Variants in RERE observed in about 807,000 individuals in gnomAD.
The protein encoded by RERE is arginine-glutamic acid dipeptide repeats, also known as arginine-glutamic acid dipeptide repeats protein.
In RERE, 40 loss-of-function variants were observed where a neutral mutation model predicts 146.1. The ratio of observed to expected loss-of-function variants is 0.27; its 90% confidence interval spans 0.21 to 0.36. RERE has a LOEUF of 0.36. Ranked by LOEUF, RERE falls within the 10% of genes least tolerant of loss-of-function variation. The probability of loss-of-function intolerance (pLI) is 1.00; values close to 1 mark genes in which losing one functional copy is unlikely to be tolerated. For missense variants in RERE, 1,933 were observed against 2,138.7 expected (o/e 0.90, Z 1.90); for synonymous variants, 1,003 against 866.0 (o/e 1.16, Z -2.78).
At chr1:8,393,036 A>G (rs1260320145) in intron 12 of RERE, among the ~76,000 whole-genome samples, 1 of 152,224 alleles carries the variant, frequency 6.6e-6, no homozygotes, top group African/African-American at 2.4e-5. Flanking sequence ...TCCTGAAAGT[A>G]GGAGAAGGAG....
intron 4 of RERE, among the ~76,000 whole-genome samples, chr1:8,559,280 C>CAAAAAAAAAAAAAAAAAAAAAAA (rs548075266): frequency 2.7e-3 from 33 of 12,060 alleles, no homozygotes; most frequent in East Asian, 7.1e-3. Context: ...AACTCCAGCT[C>CAAAAAAAAAAAAAAAAAAAAAAA]AAAAAAAAAA....
intron 1 of RERE, chr1:8,799,309 T>C (rs1641541570): frequency 1.3e-5 from 2 of 152,434 alleles, no homozygotes; most frequent in Non-Finnish European, 1.5e-5. Flanking sequence ...TCAAGTCTTT[T>C]GTGAAAGTTT....
chr1:8,669,523 T>C (rs1638665676), intron 1 of RERE, among the ~76,000 whole-genome samples: 1 of 152,214 alleles, frequency 6.6e-6, no homozygotes, highest in African/African-American at 2.4e-5. Flanking sequence ...AAGCTCAGGC[T>C]TCACTACAGC....
intron 11 of RERE, among the ~76,000 whole-genome samples, chr1:8,454,572 C>T (rs184896121): frequency 6.6e-5 from 10 of 151,776 alleles, no homozygotes; most frequent in Non-Finnish European, 1.0e-4. Flanking sequence ...TTTGGGAGGC[C>T]GAGGCAGGTG....
chr1:8,676,983 T>C (rs758026041), intron 1 of RERE, among the ~76,000 whole-genome samples: 129 of 152,266 alleles, frequency 8.5e-4, no homozygotes, highest in Non-Finnish European at 1.6e-3. Context: ...CAGTCCTCCC[T>C]AAACAGCCTC....
In RERE at chr1:8,541,258, T is replaced by A. The variant is rs369029227; in HGVS notation, c.786A>T (p.Arg262=). 3 of 1,611,852 alleles carry A rather than the reference T, an allele frequency of 1.9e-6. No individual in the cohort carries two copies. In the African/African-American group the frequency reaches 4.0e-5, roughly 22 times the overall value. ...DIFAAREFKA[R]VDSFFYILGY... ...CTAATATGTAGAAAAATGAATCCAC[T>A]CGGGCTTTAAACTCTCTAGCAGCAA... The change falls in exon 7 of 23, where the codon CGA becomes CGT. Residue 262 remains arginine, a synonymous_variant. Coordinates refer to ENST00000400908, the MANE Select transcript of RERE (RefSeq NM_001042681.2).
At chr1:8,518,570 C>G (rs1570380379) in intron 7 of RERE, among the ~76,000 whole-genome samples, 1 of 152,132 alleles carries the variant, frequency 6.6e-6, no homozygotes, top group Non-Finnish European at 1.5e-5. Flanking sequence ...GGGTCCAGAA[C>G]AAAATACACT....
At chr1:8,603,549 G>A (rs186339713) in intron 4 of RERE, among the ~76,000 whole-genome samples, 1 of 152,184 alleles carries the variant, frequency 6.6e-6, no homozygotes, top group Admixed American at 6.5e-5. Flanking sequence ...GAACTTTATT[G>A]GTTTTGTAGT....
chr1:8,395,984 G>A (rs552993178), intron 12 of RERE, among the ~76,000 whole-genome samples: 1 of 152,262 alleles, frequency 6.6e-6, no homozygotes, highest in African/African-American at 2.4e-5. Flanking sequence ...CCCTCTCTCT[G>A]TGCTTAAAGG....
intron 1 of RERE, among the ~76,000 whole-genome samples, chr1:8,712,130 T>C (rs779461504): frequency 6.6e-6 from 1 of 152,242 alleles, no homozygotes; most frequent in South Asian, 2.1e-4. Context: ...AAACATTATA[T>C]AATACATTGG....
At chr1:8,438,300 C>T (rs751152515) in intron 11 of RERE, among the ~76,000 whole-genome samples, 1 of 151,888 alleles carries the variant, frequency 6.6e-6, no homozygotes, top group Non-Finnish European at 1.5e-5. Flanking sequence ...AGATCTCACT[C>T]CTGTAGGAAA....
chr1:8,558,990 T>C (rs1646039821), intron 4 of RERE, among the ~76,000 whole-genome samples: 1 of 150,914 alleles, frequency 6.6e-6, no homozygotes, highest in South Asian at 2.1e-4. Flanking sequence ...GAGACATGTT[T>C]TGACAATGTT....
intron 3 of RERE, among the ~76,000 whole-genome samples, chr1:8,621,808 C>T (rs574950533): frequency 2.2e-4 from 34 of 152,180 alleles, no homozygotes; most frequent in Admixed American, 4.6e-4. Flanking sequence ...CATCTTTTAC[C>T]CTTATAGCTT....
Position 8,360,912 on chromosome 1 carries a change from G to A in RERE, c.2595C>T (p.His865=). ...GGCCAAAGGGCTGTGGGGGGCCTGG[G>A]TGCTGCAGCAGGGGCCCAGCCTGCA... ...HSLQAGPLLQ[H]PGPPQPFGLP... Residue 865 remains histidine, a synonymous_variant, in exon 18 of 23, where the codon CAC becomes CAT. Coordinates refer to ENST00000400908, the MANE Select transcript of RERE (RefSeq NM_001042681.2). 2 of 1,489,098 alleles carry A rather than the reference G, an allele frequency of 1.3e-6. No individual in the cohort carries two copies. The highest frequency in any genetic ancestry group is 1.4e-5 in the African/African-American group (1 of 71,468). The allele number at this position is 1,489,098 out of a possible 1,614,324, so 92.2% of individuals were successfully genotyped here. A position where few individuals can be genotyped will look rare whatever the true frequency, so the allele number is the denominator to read the frequency against.
chr1:8,410,273 A>G (rs1420923996), intron 12 of RERE, among the ~76,000 whole-genome samples: 1 of 152,122 alleles, frequency 6.6e-6, no homozygotes, highest in Non-Finnish European at 1.5e-5. Flanking sequence ...TGTAGACATC[A>G]ATTTTTACAA....
At chr1:8,386,575 T>TTTTTTTTTTTTTTTTTTTTTTGAG (rs1553159899) in intron 12 of RERE, among the ~76,000 whole-genome samples, 3 of 147,950 alleles carry the variant, frequency 2.0e-5, no homozygotes, top group African/African-American at 7.3e-5. Flanking sequence ...CTAGAACTCT[T>TTTTTTTTTTTTTTTTTTTTTTGAG]ACAAATGAAA....
At chr1:8,507,129 C>T (rs1193243756) in intron 8 of RERE, among the ~76,000 whole-genome samples, 1 of 152,086 alleles carries the variant, frequency 6.6e-6, no homozygotes, top group African/African-American at 2.4e-5. Context: ...CAGAATATGC[C>T]GGGCCCAGTG....
At chr1:8,435,642 AC>A (rs1404401284) in intron 11 of RERE, among the ~76,000 whole-genome samples, 10 of 152,084 alleles carry the variant, frequency 6.6e-5, no homozygotes, top group African/African-American at 1.4e-4. Flanking sequence ...CATGCCAAAA[AC>A]CCTTCCCAGG....
At chr1:8,510,395 G>A (rs1645319111) in intron 7 of RERE, among the ~76,000 whole-genome samples, 1 of 152,106 alleles carries the variant, frequency 6.6e-6, no homozygotes, top group East Asian at 1.9e-4. Flanking sequence ...GAGGGGCGGT[G>A]ACAGGGAAAT....
Sources: allele counts gnomAD v4.1 joint callset (sites outside exome capture counted in the v4.1 genomes callset), GRCh38; gene constraint gnomAD v4.1.1; transcripts MANE v1.5; gene names NCBI Gene and HGNC (gene_info 2026-07-23, HGNC 2026-07-21).